MAP4K3: variants seen among roughly 807,000 people sequenced by gnomAD.
MAP4K3 encodes the protein mitogen-activated protein kinase kinase kinase kinase 3, also known as MAPK/ERK kinase kinase kinase 3.
In MAP4K3, 94 loss-of-function variants were observed where a neutral mutation model predicts 143.5. That is an observed-to-expected ratio of 0.65 (90% CI 0.55 to 0.78). The LOEUF is 0.78. Among genes scored for constraint, MAP4K3 ranks in the 30% least tolerant of loss-of-function variants. The probability of loss-of-function intolerance (pLI) is 0.00; values close to 1 mark genes in which losing one functional copy is unlikely to be tolerated. For synonymous variants in MAP4K3, 416 were observed against 347.2 expected, an observed-to-expected ratio of 1.20 and a Z score of -2.20; for missense variants, 1,077 against 1,068.1, an observed-to-expected ratio of 1.01 and a Z score of -0.12.
intron 3 of MAP4K3, among the ~76,000 whole-genome samples, chr2:39,351,894 C>T (rs779266992): frequency 6.6e-6 from 1 of 152,180 alleles, no homozygotes; most frequent in South Asian, 2.1e-4. Flanking sequence ...TAATCTCAAA[C>T]TCCTGACCTC....
intron 21 of MAP4K3, 87 bp from the exon 22 acceptor site, chr2:39,282,641 A>T: frequency 1.2e-6 from 1 of 869,238 alleles, no homozygotes. Flanking sequence ...TATTCAAATA[A>T]AATACATGAA....
chr2:39,256,254 C>A (rs547340142), intron 31 of MAP4K3, among the ~76,000 whole-genome samples: 2 of 152,212 alleles, frequency 1.3e-5, no homozygotes, highest in African/African-American at 4.8e-5. Context: ...AAAAAATGAT[C>A]TTTTTATCTT....
At chr2:39,415,680 G>A (rs894270691) in intron 1 of MAP4K3, among the ~76,000 whole-genome samples, 14 of 151,616 alleles carry the variant, frequency 9.2e-5, no homozygotes, top group African/African-American at 3.4e-4. Flanking sequence ...GGCCAGGCAC[G>A]GTGGCTCACG....
At chr2:39,251,126 C>A (rs971691024) in intron 33 of MAP4K3, among the ~76,000 whole-genome samples, 2 of 152,168 alleles carry the variant, frequency 1.3e-5, no homozygotes, top group South Asian at 4.1e-4. Context: ...GGGGCCAGGG[C>A]GCTCACAGAA....
At chr2:39,416,005 A>ATATATATAT in intron 1 of MAP4K3, among the ~76,000 whole-genome samples, 1 of 91,560 alleles carries the variant, frequency 1.1e-5, no homozygotes, top group East Asian at 2.6e-4. Context: ...ATATATATAT[A>ATATATATAT]AAAATAACAT....
chr2:39,280,193 A>G, intron 23 of MAP4K3, 79 bp downstream of exon 23: 1 of 847,782 alleles, frequency 1.2e-6, no homozygotes, highest in Non-Finnish European at 1.8e-6. Context: ...TACTCAGAAA[A>G]TAAACAAAAT....
At chr2:39,262,816 C>T (rs1419116058) in intron 28 of MAP4K3, among the ~76,000 whole-genome samples, 1 of 152,098 alleles carries the variant, frequency 6.6e-6, no homozygotes, top group Non-Finnish European at 1.5e-5. Flanking sequence ...AATGAAAATG[C>T]AGTCCAGGCT....
rs950198758 is a variant in MAP4K3 at position 39,277,501 on chromosome 2, C to T, written c.1794+906G>A. Among the ~76,000 whole-genome samples, 12 of 152,246 alleles carry T rather than the reference C, an allele frequency of 7.9e-5. No individual in the cohort carries two copies. The East Asian group carries it at 9.7e-4, about 12-fold the overall frequency. On this transcript the variant is annotated intron_variant, in intron 24 of 33. Transcript: ENST00000263881. ...CCTGTTTTCCCTATTAGATCATGAG[C>T]TTCTCAAGGGTATGGACTAGTCCTG... is the stretch of plus-strand genomic sequence containing the variant.
chr2:39,253,893 T>C (rs531236612), intron 32 of MAP4K3, among the ~76,000 whole-genome samples: 5 of 152,296 alleles, frequency 3.3e-5, no homozygotes, highest in Admixed American at 1.3e-4. Flanking sequence ...AGCTTGGAGT[T>C]AAATTATTTC....
intron 28 of MAP4K3, among the ~76,000 whole-genome samples, chr2:39,261,716 T>C (rs1297200399): frequency 6.6e-6 from 1 of 152,032 alleles, no homozygotes; most frequent in Non-Finnish European, 1.5e-5. Flanking sequence ...AAATAAAAAA[T>C]TATATATAGA....
intron 1 of MAP4K3, among the ~76,000 whole-genome samples, chr2:39,431,977 G>C (rs1348835784): frequency 6.8e-6 from 1 of 147,620 alleles, no homozygotes; most frequent in East Asian, 1.9e-4. Context: ...GGAGTATCTA[G>C]AGAGTCTCTC....
At chr2:39,351,490 T>C (rs1346488560) in intron 3 of MAP4K3, among the ~76,000 whole-genome samples, 1 of 147,448 alleles carries the variant, frequency 6.8e-6, no homozygotes, top group Non-Finnish European at 1.5e-5. Context: ...TGTTAGATTA[T>C]AAGCTCCTTA....
At chr2:39,313,024 G>A (rs1425692918) in intron 13 of MAP4K3, among the ~76,000 whole-genome samples, 7 of 152,176 alleles carry the variant, frequency 4.6e-5, no homozygotes, top group Admixed American at 1.3e-4. Context: ...TGTGGATGGA[G>A]AATGCATTTC....
chr2:39,262,964 G>T (rs181944803), intron 28 of MAP4K3, among the ~76,000 whole-genome samples: 38 of 151,876 alleles, frequency 2.5e-4, no homozygotes, highest in African/African-American at 8.9e-4. Flanking sequence ...AATTAGCTGG[G>T]TGTCTGTAAT....
chr2:39,315,413 A>G, intron 12 of MAP4K3, 25 bp from the exon 13 acceptor site: 2 of 1,458,574 alleles, frequency 1.4e-6, no homozygotes, highest in Non-Finnish European at 1.9e-6. Flanking sequence ...AATCAATGAT[A>G]TGCAGCATTT....
rs114310982 is a variant in MAP4K3, at chr2:39,387,133, T to C, written c.97-9010A>G. 3.5e-3 allele frequency among the ~76,000 whole-genome samples: 534 copies of C among 152,310 alleles called. 5 individuals carry two copies. Among genetic ancestry groups the C allele is most frequent in the African/African-American group, 0.012 (506 of 41,564 alleles). On this transcript the variant is annotated intron_variant, in intron 1 of 33. Coordinates refer to ENST00000263881, the MANE Select transcript of MAP4K3 (RefSeq NM_003618.4). ...CGCCCGGCCGATTATTGTAGTTTTA[T>C]AGTAAATTTTAAATTTACAATCACA...
In MAP4K3 at chr2:39,429,698, T is replaced by G. The variant is rs1665224529; in HGVS notation, c.96+7194A>C. Among the ~76,000 whole-genome samples the G allele has an allele frequency of 2.6e-5, 4 of 152,196 alleles. No homozygotes were observed. In the South Asian group the frequency reaches 8.3e-4, roughly 32 times the overall value. ...ACAAAATTCCAGTAGGCTTTTATAT[T>G]TAACTTGAAAAGCTGATTCAAAAAT... On this transcript the variant is annotated intron_variant, in intron 1 of 33. Transcript: ENST00000263881.
intron 24 of MAP4K3, among the ~76,000 whole-genome samples, chr2:39,272,949 A>C (rs971621538): frequency 6.6e-6 from 1 of 152,142 alleles, no homozygotes; most frequent in Non-Finnish European, 1.5e-5. Flanking sequence ...AGGGTGTATG[A>C]TACAGGAAAA....
At chr2:39,260,062 TAAAA>T (rs1680504870) in intron 29 of MAP4K3, among the ~76,000 whole-genome samples, 1 of 152,148 alleles carries the variant, frequency 6.6e-6, no homozygotes, top group Non-Finnish European at 1.5e-5. Context: ...CATTTCTAAA[TAAAA>T]AAACTGGTGT....
Sources: allele counts gnomAD v4.1 joint callset (sites outside exome capture counted in the v4.1 genomes callset), GRCh38; gene constraint gnomAD v4.1.1; transcripts MANE v1.5; gene names NCBI Gene and HGNC (gene_info 2026-07-23, HGNC 2026-07-21).